CLEC16A: variants seen among roughly 807,000 people sequenced by gnomAD.
The protein encoded by CLEC16A is C-type lectin domain containing 16A.
A neutral mutation model predicts 109.5 loss-of-function variants in CLEC16A; 51 were observed. That is an observed-to-expected ratio of 0.47 (90% CI 0.37 to 0.59). The LOEUF (loss-of-function observed/expected upper bound fraction) is 0.59, where lower values mean the gene tolerates loss of function less well. Ranked by LOEUF, CLEC16A falls within the 20% of genes least tolerant of loss-of-function variation. CLEC16A has a pLI of 0.00. For synonymous variants in CLEC16A, 673 were observed against 564.2 expected, an observed-to-expected ratio of 1.19 and a Z score of -2.73; for missense variants, 1,339 against 1,394.0, an observed-to-expected ratio of 0.96 and a Z score of 0.63.
At chr16:10,973,266 C>T (rs562370328) in intron 7 of CLEC16A, among the ~76,000 whole-genome samples, 201 of 152,262 alleles carry the variant, frequency 1.3e-3, no homozygotes, top group African/African-American at 4.6e-3. Flanking sequence ...CCAGAGCAGG[C>T]GGGGTAAATC....
At chr16:11,074,138 T>C (rs2049220337) in intron 19 of CLEC16A, among the ~76,000 whole-genome samples, 1 of 149,964 alleles carries the variant, frequency 6.7e-6, no homozygotes. Flanking sequence ...GCTAAAATGC[T>C]TCCTCTTTTC....
At chr16:11,083,599 C>G (rs572101522) in intron 19 of CLEC16A, among the ~76,000 whole-genome samples, 1 of 152,360 alleles carries the variant, frequency 6.6e-6, no homozygotes, top group Admixed American at 6.5e-5. Flanking sequence ...CCTCCTCTCA[C>G]TCCATCCTAG....
chr16:11,005,633 T>A lies in CLEC16A; in HGVS notation c.1303+2328T>A, dbSNP rs899455105. Among the ~76,000 whole-genome samples the A allele has an allele frequency of 3.3e-5, 5 of 152,212 alleles. No individual in the cohort carries two copies. The East Asian group carries it at 5.8e-4, about 18-fold the overall frequency. On this transcript the variant is annotated intron_variant, in intron 11 of 23. Coordinates refer to ENST00000409790, the MANE Select transcript of CLEC16A (RefSeq NM_015226.3). ...GCAACAGCACTTGTATTCTGGAGCTTTCTGAATTATATATTTGCTCTCTTG... is the reference window on the plus strand; with the variant it reads ...GCAACAGCACTTGTATTCTGGAGCTATCTGAATTATATATTTGCTCTCTTG...
intron 19 of CLEC16A, among the ~76,000 whole-genome samples, chr16:11,067,404 T>G (rs2048831164): frequency 6.6e-6 from 1 of 151,614 alleles, no homozygotes; most frequent in South Asian, 2.1e-4. Context: ...AGGGGCCCAT[T>G]TGAGGGCTGC....
At chr16:11,048,672 T>C in intron 17 of CLEC16A, among the ~76,000 whole-genome samples, 1 of 152,106 alleles carries the variant, frequency 6.6e-6, no homozygotes, top group East Asian at 1.9e-4. Flanking sequence ...ATAAGTCATC[T>C]CCAGAAACAC....
intron 1 of CLEC16A, among the ~76,000 whole-genome samples, chr16:10,946,891 C>T (rs1017751334): frequency 3.9e-5 from 6 of 152,162 alleles, no homozygotes; most frequent in African/African-American, 1.4e-4. Flanking sequence ...CTGAAGGGTA[C>T]CAGAGGCAGG....
At chr16:11,147,772 A>G (rs937677169) in intron 22 of CLEC16A, among the ~76,000 whole-genome samples, 20 of 152,230 alleles carry the variant, frequency 1.3e-4, no homozygotes, top group African/African-American at 4.8e-4. Flanking sequence ...GCACATAAAG[A>G]CCAGATTATC....
At chr16:10,996,377 G>A (rs1192489058) in intron 10 of CLEC16A, among the ~76,000 whole-genome samples, 1 of 152,184 alleles carries the variant, frequency 6.6e-6, no homozygotes, top group African/African-American at 2.4e-5. Flanking sequence ...TTGGGTCCAA[G>A]GGTACCACCA....
intron 4 of CLEC16A, among the ~76,000 whole-genome samples, chr16:10,969,722 G>C (rs1265444097): frequency 6.6e-6 from 1 of 152,162 alleles, no homozygotes; most frequent in Non-Finnish European, 1.5e-5. Flanking sequence ...GACATGCCCA[G>C]ATGTTGTCTT....
intron 22 of CLEC16A, among the ~76,000 whole-genome samples, chr16:11,152,812 C>T (rs145480486): frequency 6.6e-6 from 1 of 152,148 alleles, no homozygotes; most frequent in Non-Finnish European, 1.5e-5. Flanking sequence ...GACACTGCTC[C>T]CCTGTGTCAA....
At chr16:10,964,303 C>T (rs1256601022) in intron 3 of CLEC16A, among the ~76,000 whole-genome samples, 2 of 152,224 alleles carry the variant, frequency 1.3e-5, no homozygotes, top group African/African-American at 4.8e-5. Flanking sequence ...GTTACCAGCG[C>T]CTGTTTCACT....
At chr16:11,002,292 A>G (rs2152750522) in intron 10 of CLEC16A, among the ~76,000 whole-genome samples, 1 of 152,360 alleles carries the variant, frequency 6.6e-6, no homozygotes. Context: ...AGAAGTGTTC[A>G]TCAGAAGTTC....
At chr16:11,177,392 G>C (rs2068792941) in intron 23 of CLEC16A, among the ~76,000 whole-genome samples, 2 of 152,270 alleles carry the variant, frequency 1.3e-5, no homozygotes, top group South Asian at 4.1e-4. Context: ...CTTGAGGTCA[G>C]GAGTTTGAAA....
intron 22 of CLEC16A, among the ~76,000 whole-genome samples, chr16:11,160,016 T>C (rs2054665937): frequency 6.6e-6 from 1 of 152,136 alleles, no homozygotes; most frequent in Non-Finnish European, 1.5e-5. Context: ...AATCCCCAAA[T>C]TGAATTCAGA....
At chr16:11,028,541 T>TG (rs1385064682) in intron 13 of CLEC16A, among the ~76,000 whole-genome samples, 3 of 147,444 alleles carry the variant, frequency 2.0e-5, no homozygotes, top group Non-Finnish European at 4.5e-5. Context: ...GTCTCTGCTG[T>TG]GGAAAAAAAA....
chr16:10,945,420 T>C (rs1176280369), intron 1 of CLEC16A, among the ~76,000 whole-genome samples: 1 of 151,848 alleles, frequency 6.6e-6, no homozygotes, highest in Non-Finnish European at 1.5e-5. Context: ...TTTGGGGCGA[T>C]TGGGGAGGAT....
intron 22 of CLEC16A, among the ~76,000 whole-genome samples, chr16:11,152,816 G>A (rs2054346643): frequency 1.3e-5 from 2 of 152,270 alleles, no homozygotes; most frequent in African/African-American, 4.8e-5. Context: ...CTGCTCCCCT[G>A]TGTCAAAGGG....
At chr16:11,031,358 T>G (rs1376195161) in intron 13 of CLEC16A, among the ~76,000 whole-genome samples, 4 of 152,206 alleles carry the variant, frequency 2.6e-5, no homozygotes, top group Non-Finnish European at 5.9e-5. Context: ...ATGGGCTTCC[T>G]TCCTGCAGCC....
intron 12 of CLEC16A, among the ~76,000 whole-genome samples, chr16:11,021,793 G>A (rs572374119): frequency 1.4e-4 from 22 of 152,154 alleles, no homozygotes; most frequent in African/African-American, 4.6e-4. Context: ...TGAGACTCTC[G>A]CTCAGAATAT....
Sources: allele counts gnomAD v4.1 joint callset (sites outside exome capture counted in the v4.1 genomes callset), GRCh38; gene constraint gnomAD v4.1.1; transcripts MANE v1.5; gene names NCBI Gene and HGNC (gene_info 2026-07-23, HGNC 2026-07-21).